The following ATF7 variants were observed in gnomAD, a reference collection of about 807,000 sequenced individuals.
ATF7 encodes cyclic AMP-dependent transcription factor ATF-7.
In ATF7, 10 loss-of-function variants were observed where a neutral mutation model predicts 50.4. That is an observed-to-expected ratio of 0.20 (90% CI 0.12 to 0.34). ATF7 has a LOEUF of 0.34. Among genes scored for constraint, ATF7 ranks in the 10% least tolerant of loss-of-function variants. The probability of loss-of-function intolerance (pLI) is 1.00; values close to 1 mark genes in which losing one functional copy is unlikely to be tolerated. For synonymous variants in ATF7, 201 were observed against 226.4 expected (o/e 0.89, Z 1.01); for missense variants, 465 against 613.9 (o/e 0.76, Z 2.56).
At chr12:53,532,709 T>G in intron 7 of ATF7, 86 bp from the exon 8 acceptor site, 12 of 963,446 alleles carry the variant, frequency 1.2e-5, no homozygotes, top group East Asian at 2.7e-5. Context: ...TGAAGCGCTT[T>G]TGAGATTGGC....
At chr12:53,556,594 T>C (rs1378939861) in intron 2 of ATF7, among the ~76,000 whole-genome samples, 2 of 152,158 alleles carry the variant, frequency 1.3e-5, no homozygotes, top group Non-Finnish European at 2.9e-5. Flanking sequence ...CAAGACTCCA[T>C]CTCAAAAAAA....
intron 1 of ATF7, among the ~76,000 whole-genome samples, chr12:53,601,250 A>G (rs756471874): frequency 7.9e-5 from 12 of 152,174 alleles, no homozygotes; most frequent in Non-Finnish European, 1.5e-4. Flanking sequence ...ATAGTCAAGG[A>G]ATTTCAAACC....
In ATF7 at chr12:53,515,073, T is replaced by C. The variant is rs528174280; in HGVS notation, c.*2064A>G. ...TAACCTGCGTCCTGACCATCTGCCATAACATTTGCTAGTCTGAATCACTTC... is the reference window on the plus strand; with the variant it reads ...TAACCTGCGTCCTGACCATCTGCCACAACATTTGCTAGTCTGAATCACTTC... On this transcript the variant is annotated 3_prime_UTR_variant, in exon 12 of 12. Coordinates refer to ENST00000420353, the MANE Select transcript of ATF7 (RefSeq NM_006856.3). 3 of 152,356 alleles carry C rather than the reference T, an allele frequency of 2.0e-5. No homozygotes were observed. The highest frequency in any genetic ancestry group is 1.9e-4 in the East Asian group (1 of 5,190). The allele number at this position is 152,356 out of a possible 1,614,324, so 9.4% of individuals were successfully genotyped here. A position where few individuals can be genotyped will look rare whatever the true frequency, so the allele number is the denominator to read the frequency against.
chr12:53,537,488 T>G lies in ATF7; in HGVS notation c.329A>C (p.Glu110Ala). Residue 110 changes from glutamate to alanine, a missense_variant, in exon 5 of 12, where the codon GAG becomes GCG. Physicochemically the swap from Glu to Ala is moderately radical, Grantham distance 107 (BLOSUM62 -1). Transcript: ENST00000420353. The part of the protein sequence containing the change: ...STPDIKIKEE[E>A]PVEVDSSPPD... ...TGGGGATGAGTCTACCTCCACTGGC[T>G]CTTCTTCTTTGATTTTGATGTCTGG... The G allele has an allele frequency of 6.2e-7, 1 of 1,613,674 alleles. No individual in the cohort carries two copies. Among genetic ancestry groups the G allele is most frequent in the South Asian group, 1.1e-5 (1 of 91,078 alleles).
chr12:53,601,744 G>T, intron 1 of ATF7, among the ~76,000 whole-genome samples: 1 of 152,180 alleles, frequency 6.6e-6, no homozygotes, highest in Non-Finnish European at 1.5e-5. Context: ...TTTACTGGGT[G>T]AACATGTTCC....
chr12:53,529,422 C>T (rs1490616549), intron 9 of ATF7, among the ~76,000 whole-genome samples: 3 of 150,556 alleles, frequency 2.0e-5, no homozygotes, highest in Non-Finnish European at 3.0e-5. Context: ...AGTCTGGTCT[C>T]GAACTCCTGA....
chr12:53,621,309 C>T (rs1441082148), intron 1 of ATF7, among the ~76,000 whole-genome samples: 1 of 152,152 alleles, frequency 6.6e-6, no homozygotes, highest in Non-Finnish European at 1.5e-5. Context: ...TAGCATTGTT[C>T]TACCCTTATA....
At chr12:53,533,323 T>C (rs1939018084) in intron 6 of ATF7, 64 bp from the exon 7 acceptor site, 2 of 1,366,064 alleles carry the variant, frequency 1.5e-6, no homozygotes, top group African/African-American at 1.4e-5. Flanking sequence ...CTTCCTCTTA[T>C]AATTACAGAA....
intron 2 of ATF7, among the ~76,000 whole-genome samples, chr12:53,554,945 T>C (rs1442262646): frequency 6.8e-6 from 1 of 148,106 alleles, no homozygotes; most frequent in East Asian, 2.0e-4. Flanking sequence ...GAATAAAATG[T>C]GGAAAAATTT....
intron 2 of ATF7, among the ~76,000 whole-genome samples, chr12:53,557,623 A>G (rs772731275): frequency 6.6e-6 from 1 of 152,172 alleles, no homozygotes; most frequent in Non-Finnish European, 1.5e-5. Flanking sequence ...GGGTAAATAT[A>G]ATAACCATCT....
chr12:53,583,132 G>C (rs1942515505), intron 2 of ATF7, among the ~76,000 whole-genome samples: 1 of 152,102 alleles, frequency 6.6e-6, no homozygotes, highest in African/African-American at 2.4e-5. Context: ...AAAATTTCTA[G>C]AAGATAATAT....
chr12:53,509,737 C>A (rs1334798249), downstream of ATF7, among the ~76,000 whole-genome samples: 1 of 152,038 alleles, frequency 6.6e-6, no homozygotes, highest in East Asian at 1.9e-4. Flanking sequence ...AACTCCTGAC[C>A]TCAAGCAATC....
At chr12:53,576,402 T>C (rs1565969773) in intron 2 of ATF7, among the ~76,000 whole-genome samples, 2 of 152,168 alleles carry the variant, frequency 1.3e-5, no homozygotes, top group African/African-American at 4.8e-5. Flanking sequence ...TGAAACCTAA[T>C]CACCAATGTA....
At chr12:53,538,211 C>G (rs925529007) in intron 4 of ATF7, among the ~76,000 whole-genome samples, 16 of 152,094 alleles carry the variant, frequency 1.1e-4, no homozygotes, top group Non-Finnish European at 1.6e-4. Context: ...TTCAGGAAAT[C>G]AAAATAATTC....
At chr12:53,557,413 G>A (rs1312720075) in intron 2 of ATF7, among the ~76,000 whole-genome samples, 1 of 152,144 alleles carries the variant, frequency 6.6e-6, no homozygotes, top group Non-Finnish European at 1.5e-5. Context: ...TGTTGCCCAG[G>A]CTGGTCTTGA....
Position 53,514,667 on chromosome 12 carries a change from C to T in ATF7, c.*2470G>A, listed in dbSNP as rs1179247064. On this transcript the variant is annotated 3_prime_UTR_variant, in exon 12 of 12. Transcript: ENST00000420353. Reference sequence around the variant, plus strand: ...TCACTGAGGTCCCGTACACATCTTCCCACTGATAAAAATGAAGTTAGGACT... The same window carrying T: ...TCACTGAGGTCCCGTACACATCTTCTCACTGATAAAAATGAAGTTAGGACT... 1 of 152,070 alleles carries T rather than the reference C, an allele frequency of 6.6e-6. No individual in the cohort carries two copies. The highest frequency in any genetic ancestry group is 1.5e-5 in the Non-Finnish European group (1 of 68,018). The allele number at this position is 152,070 out of a possible 1,614,324, so 9.4% of individuals were successfully genotyped here.
At chr12:53,533,683 G>A (rs763594872) in intron 6 of ATF7, among the ~76,000 whole-genome samples, 7 of 152,088 alleles carry the variant, frequency 4.6e-5, no homozygotes, top group Non-Finnish European at 8.8e-5. Context: ...AAAAGAAGTT[G>A]TCCCTTTTTA....
At chr12:53,546,977 CTTTTTT>C (rs565759569) in intron 3 of ATF7, among the ~76,000 whole-genome samples, 3 of 116,432 alleles carry the variant, frequency 2.6e-5, no homozygotes, top group African/African-American at 9.2e-5. Context: ...CAGGCTGGCT[CTTTTTT>C]TTTTTTTTTT....
intron 11 of ATF7, among the ~76,000 whole-genome samples, chr12:53,517,767 C>G (rs1329431773): frequency 1.3e-5 from 2 of 152,068 alleles, no homozygotes; most frequent in Admixed American, 1.3e-4. Context: ...GCCACTGCGC[C>G]TGGCCTTCAT....
Sources: gnomAD v4.1 joint callset for allele counts (sites outside exome capture counted in the v4.1 genomes callset) on GRCh38, gnomAD v4.1.1 for gene constraint, MANE v1.5 for transcripts, NCBI Gene and HGNC (gene_info 2026-07-23, HGNC 2026-07-21) for gene names.